The following PTPRG variants were observed in gnomAD, a reference collection of about 807,000 sequenced individuals.
PTPRG encodes the protein protein tyrosine phosphatase receptor type G, also known as receptor-type tyrosine-protein phosphatase gamma.
A neutral mutation model predicts 165.3 loss-of-function variants in PTPRG; 102 were observed. The observed-to-expected ratio is 0.62, with a 90% CI of 0.53 to 0.73. The LOEUF (loss-of-function observed/expected upper bound fraction) is 0.73, where lower values mean the gene tolerates loss of function less well. Among genes scored for constraint, PTPRG ranks in the 30% least tolerant of loss-of-function variants. The probability of loss-of-function intolerance (pLI) is 0.00; values close to 1 mark genes in which losing one functional copy is unlikely to be tolerated. For synonymous variants in PTPRG, 675 were observed against 669.5 expected, an observed-to-expected ratio of 1.01 and a Z score of -0.13; for missense variants, 1,866 against 1,861.4, an observed-to-expected ratio of 1.00 and a Z score of -0.05.
At chr3:61,745,712 C>T (rs983950587) in intron 1 of PTPRG, among the ~76,000 whole-genome samples, 3 of 152,168 alleles carry the variant, frequency 2.0e-5, no homozygotes, top group African/African-American at 7.2e-5. Flanking sequence ...ATTCCTTATA[C>T]CACATTGTGA....
chr3:61,833,967 C>A (rs2036386251), intron 2 of PTPRG, among the ~76,000 whole-genome samples: 1 of 152,188 alleles, frequency 6.6e-6, no homozygotes, highest in South Asian at 2.1e-4. Context: ...TATTTCTCAT[C>A]TACTTTATTG....
chr3:61,640,729 A>C lies in PTPRG; in HGVS notation c.85+78357A>C, dbSNP rs555116776. On this transcript the variant is annotated intron_variant, in intron 1 of 29. Transcript: ENST00000474889. ...AGAAACGAAGTCTAACACAAACTGC[A>C]GTTATTTAAAAGGCAATGTAGTAAT... Among the ~76,000 whole-genome samples the C allele has an allele frequency of 3.4e-4, 52 of 152,366 alleles. No individual in the cohort carries two copies. In the South Asian group the frequency reaches 0.011, roughly 31 times the overall value.
At chr3:62,272,528 C>T (rs1464209763) in intron 21 of PTPRG, among the ~76,000 whole-genome samples, 1 of 152,096 alleles carries the variant, frequency 6.6e-6, no homozygotes, top group African/African-American at 2.4e-5. Context: ...AAGTGAATAA[C>T]GTACGTCATC....
intron 1 of PTPRG, among the ~76,000 whole-genome samples, chr3:61,619,797 G>A (rs1701398838): frequency 6.6e-6 from 1 of 152,200 alleles, no homozygotes; most frequent in Non-Finnish European, 1.5e-5. Context: ...GTTTACAACA[G>A]ACCTGGTAGT....
intron 3 of PTPRG, among the ~76,000 whole-genome samples, chr3:61,996,029 C>T (rs1483051782): frequency 1.3e-5 from 2 of 152,124 alleles, no homozygotes; most frequent in African/African-American, 4.8e-5. Flanking sequence ...GTTTTCACTC[C>T]TTGCTCCTAG....
At chr3:62,172,905 AAAAT>A (rs1705272975) in intron 8 of PTPRG, among the ~76,000 whole-genome samples, 1 of 152,234 alleles carries the variant, frequency 6.6e-6, no homozygotes, top group Admixed American at 6.5e-5. Flanking sequence ...AGAAGAAGGA[AAAAT>A]AAATTAATTA....
intron 2 of PTPRG, among the ~76,000 whole-genome samples, chr3:61,852,388 T>TG (rs1443565608): frequency 6.6e-6 from 1 of 152,224 alleles, no homozygotes; most frequent in Non-Finnish European, 1.5e-5. Flanking sequence ...GATTATAAGG[T>TG]GGGTCCAGTA....
intron 1 of PTPRG, among the ~76,000 whole-genome samples, chr3:61,649,020 C>A (rs1489117886): frequency 6.6e-6 from 1 of 152,078 alleles, no homozygotes; most frequent in Admixed American, 6.5e-5. Flanking sequence ...GAGTTTATTA[C>A]CAAGGTTAAA....
intron 1 of PTPRG, among the ~76,000 whole-genome samples, chr3:61,738,863 C>T (rs1399712015): frequency 2.6e-5 from 4 of 151,990 alleles, no homozygotes; most frequent in Non-Finnish European, 5.9e-5. Context: ...CAACCTCAGA[C>T]TCCTGGGCAC....
Position 61,855,696 on chromosome 3 carries a change from T to C in PTPRG, c.190+106714T>C, listed in dbSNP as rs544197322. Among the ~76,000 whole-genome samples, 78 of 149,584 alleles carry C rather than the reference T, an allele frequency of 5.2e-4. No homozygotes were observed. In the South Asian group the frequency reaches 0.015, roughly 29 times the overall value. Reference sequence around the variant, plus strand: ...TAAAAGCAAAGCACTGATTTAATTATAGTAATTTCTTACTTTTATTTCTCT... The same window carrying C: ...TAAAAGCAAAGCACTGATTTAATTACAGTAATTTCTTACTTTTATTTCTCT... On this transcript the variant is annotated intron_variant, in intron 2 of 29. Transcript: ENST00000474889.
At chr3:61,997,308 G>A (rs2041062084) in intron 3 of PTPRG, among the ~76,000 whole-genome samples, 1 of 152,056 alleles carries the variant, frequency 6.6e-6, no homozygotes, top group Admixed American at 6.6e-5. Flanking sequence ...ATCTGATCTT[G>A]CCTGTCTGTC....
chr3:61,706,096 G>T lies in PTPRG; in HGVS notation c.86-42782G>T, dbSNP rs140045592. Among the ~76,000 whole-genome samples, 245 of 152,260 alleles carry T rather than the reference G, an allele frequency of 1.6e-3. 1 individual carries two copies. The highest frequency in any genetic ancestry group is 2.6e-3 in the Non-Finnish European group (177 of 68,026). Reference sequence around the variant, plus strand: ...TTATGAGGAATGTGATTTCAGTAATGCAGGCAGGATTAAATGCTTGCCATC... The same window carrying T: ...TTATGAGGAATGTGATTTCAGTAATTCAGGCAGGATTAAATGCTTGCCATC... On this transcript the variant is annotated intron_variant, in intron 1 of 29. Coordinates refer to ENST00000474889, the MANE Select transcript of PTPRG (RefSeq NM_002841.4).
chr3:61,963,274 T>C (rs1032721463), intron 2 of PTPRG, among the ~76,000 whole-genome samples: 5 of 152,268 alleles, frequency 3.3e-5, no homozygotes, highest in Middle Eastern at 3.4e-3. Context: ...TTTCATCATA[T>C]TTTCAAAGTC....
intron 3 of PTPRG, among the ~76,000 whole-genome samples, chr3:61,991,107 G>C (rs747340472): frequency 2.0e-5 from 3 of 152,118 alleles, no homozygotes; most frequent in Non-Finnish European, 4.4e-5. Flanking sequence ...AAACAATTCT[G>C]CTTCCTGTGT....
intron 3 of PTPRG, among the ~76,000 whole-genome samples, chr3:61,998,322 C>A (rs755316355): frequency 2.0e-5 from 3 of 152,190 alleles, no homozygotes; most frequent in African/African-American, 2.4e-5. Context: ...CTGGTGAAAT[C>A]TGTGGATCCT....
chr3:61,629,155 A>G (rs1422183579), intron 1 of PTPRG, among the ~76,000 whole-genome samples: 1 of 151,976 alleles, frequency 6.6e-6, no homozygotes, highest in Non-Finnish European at 1.5e-5. Flanking sequence ...GTCCTAAGTT[A>G]GATTTATTTT....
chr3:61,866,504 G>C (rs1162269567), intron 2 of PTPRG, among the ~76,000 whole-genome samples: 2 of 151,652 alleles, frequency 1.3e-5, no homozygotes, highest in African/African-American at 2.4e-5. Flanking sequence ...CTAGGATGTG[G>C]GGGAGAGAGG....
chr3:61,562,948 C>A (rs1003636835), intron 1 of PTPRG, among the ~76,000 whole-genome samples: 1 of 151,966 alleles, frequency 6.6e-6, no homozygotes, highest in East Asian at 2.0e-4. Context: ...GGGGCGTCCT[C>A]CCTCTCTCTG....
At position 61,562,295 on chromosome 3, in the gene PTPRG, G is replaced by A; in HGVS notation, c.8G>A (p.Arg3Lys). MR[R>K]LLEPCWWILF... Reference sequence around the variant, plus strand: ...CGATGTGCGTTTTCGGACATGCGGAGGTTACTGGAACCGTGTTGGTGGATT... The same window carrying A: ...CGATGTGCGTTTTCGGACATGCGGAAGTTACTGGAACCGTGTTGGTGGATT... The change falls in exon 1 of 30, where the codon AGG becomes AAG. Residue 3 changes from arginine to lysine, a missense_variant. This residue lies in a region of PTPRG where 408 missense variants were observed against 376.2 expected (regional missense o/e 1.08). Transcript: ENST00000474889. 1.2e-6 allele frequency: 2 copies of A among 1,613,648 alleles called. No individual in the cohort carries two copies. Among genetic ancestry groups the A allele is most frequent in the South Asian group, 2.2e-5 (2 of 91,082 alleles).
Sources: allele counts gnomAD v4.1 joint callset (sites outside exome capture counted in the v4.1 genomes callset), GRCh38; gene constraint gnomAD v4.1.1; regional missense constraint gnomAD v4.1.1; transcripts MANE v1.5; gene names NCBI Gene and HGNC (gene_info 2026-07-23, HGNC 2026-07-21).